CACNA1E: variants seen among roughly 807,000 people sequenced by gnomAD.
CACNA1E encodes the protein calcium voltage-gated channel subunit alpha1 E, also known as voltage-dependent R-type calcium channel subunit alpha-1E.
A neutral mutation model predicts 259.2 loss-of-function variants in CACNA1E; 40 were observed. That is an observed-to-expected ratio of 0.15 (90% CI 0.12 to 0.20). The LOEUF is 0.20. Among genes scored for constraint, CACNA1E ranks in the 10% least tolerant of loss-of-function variants. The pLI is 1.00. For missense variants in CACNA1E, 1,874 were observed against 3,040.1 expected (o/e 0.62, Z 9.02); for synonymous variants, 1,104 against 1,138.5 (o/e 0.97, Z 0.61).
chr1:181,478,789 A>G (rs1401252160), upstream of CACNA1E, among the ~76,000 whole-genome samples: 1 of 152,244 alleles, frequency 6.6e-6, no homozygotes, highest in Non-Finnish European at 1.5e-5. Flanking sequence ...CTTAAGAATG[A>G]GGGTAATAGG....
intron 6 of CACNA1E, among the ~76,000 whole-genome samples, chr1:181,637,890 A>C (rs1657385580): frequency 6.6e-6 from 1 of 152,212 alleles, no homozygotes; most frequent in South Asian, 2.1e-4. Flanking sequence ...AACATGAGCA[A>C]TAGTGTAGAC....
chr1:181,734,603 CCTGACCCCACACCCCATCCCTGCG>C (rs1572740623), intron 21 of CACNA1E, among the ~76,000 whole-genome samples: 2 of 143,718 alleles, frequency 1.4e-5, no homozygotes, highest in East Asian at 4.3e-4. Flanking sequence ...CTATCCTTGC[CCTGACCCCACACCCCATCCCTGCG>C]CTGACCCCAC....
Position 181,720,234 on chromosome 1 carries a change from G to T in CACNA1E, c.1780G>T (p.Val594Phe). ...KYWASLRNLV[V>F]SLMSSMKSII... is the part of the protein sequence containing the mutation. ...TTGGGCTTCCCTACGGAATTTGGTG[G>T]TCTCCTTGATGAGCTCAATGAAGTC... Residue 594 changes from valine to phenylalanine, a missense_variant, in exon 14 of 48, where the codon GTC becomes TTC. Physicochemically the swap from Val to Phe is conservative, Grantham distance 50 (BLOSUM62 -1). Transcript: ENST00000367573. The T allele has an allele frequency of 1.2e-6, 2 of 1,613,914 alleles. No homozygotes were observed. The highest frequency in any genetic ancestry group is 1.7e-6 in the Non-Finnish European group (2 of 1,179,868).
At chr1:181,534,116 TC>T (rs1667976713) in intron 3 of CACNA1E, among the ~76,000 whole-genome samples, 1 of 152,134 alleles carries the variant, frequency 6.6e-6, no homozygotes, top group South Asian at 2.1e-4. Context: ...TAGAAGGCTG[TC>T]TTATTTTGTT....
At chr1:181,476,944 G>A (rs10910940) in intron 2 of CACNA1E, among the ~76,000 whole-genome samples, 4 of 152,008 alleles carry the variant, frequency 2.6e-5, no homozygotes, top group South Asian at 2.1e-4. Context: ...GCTAAACTCC[G>A]AACCTCCAAA....
At chr1:181,789,256 A>G (rs1257398085) in intron 43 of CACNA1E, among the ~76,000 whole-genome samples, 1 of 152,248 alleles carries the variant, frequency 6.6e-6, no homozygotes, top group Non-Finnish European at 1.5e-5. Context: ...ACATTTAGGC[A>G]GGTCATTTAA....
intron 6 of CACNA1E, among the ~76,000 whole-genome samples, chr1:181,624,045 A>G (rs1572408324): frequency 6.6e-6 from 1 of 152,190 alleles, no homozygotes; most frequent in South Asian, 2.1e-4. Flanking sequence ...GCTCCCACTC[A>G]TGGTGGAAGG....
intron 2 of CACNA1E, among the ~76,000 whole-genome samples, chr1:181,450,971 G>A (rs1661120352): frequency 6.6e-6 from 1 of 152,162 alleles, no homozygotes; most frequent in Admixed American, 6.5e-5. Context: ...AGAGGAGGTG[G>A]CAATAAGAAT....
chr1:181,672,400 C>A (rs1648902772), intron 7 of CACNA1E, among the ~76,000 whole-genome samples: 1 of 152,200 alleles, frequency 6.6e-6, no homozygotes, highest in Admixed American at 6.5e-5. Context: ...AAAAGGATGT[C>A]TTTGCATTAA....
At chr1:181,604,110 A>G (rs1021110049) in intron 6 of CACNA1E, among the ~76,000 whole-genome samples, 3 of 152,044 alleles carry the variant, frequency 2.0e-5, no homozygotes, top group Non-Finnish European at 4.4e-5. Context: ...CTGACTTGGA[A>G]GGAAGGTCTT....
chr1:181,672,846 G>A (rs1022682455), intron 7 of CACNA1E, among the ~76,000 whole-genome samples: 7 of 152,214 alleles, frequency 4.6e-5, no homozygotes, highest in Non-Finnish European at 8.8e-5. Flanking sequence ...ATTTGTATTT[G>A]AGATCATGCA....
chr1:181,643,232 C>T (rs1206298479), intron 6 of CACNA1E, among the ~76,000 whole-genome samples: 1 of 152,130 alleles, frequency 6.6e-6, no homozygotes, highest in Non-Finnish European at 1.5e-5. Context: ...TACAAGAAGA[C>T]CTTAAAGTCT....
intron 1 of CACNA1E, among the ~76,000 whole-genome samples, chr1:181,371,054 G>T (rs917655326): frequency 6.6e-6 from 1 of 152,052 alleles, no homozygotes; most frequent in African/African-American, 2.4e-5. Flanking sequence ...TATGCTTGTT[G>T]GCTGCACGTA....
chr1:181,711,343 T>G (rs945098990), intron 8 of CACNA1E, among the ~76,000 whole-genome samples: 2 of 152,210 alleles, frequency 1.3e-5, no homozygotes, highest in Non-Finnish European at 2.9e-5. Flanking sequence ...GAGCTGAGAC[T>G]GGGCTGATGG....
At chr1:181,540,924 CTG>C (rs1175737670) in intron 3 of CACNA1E, among the ~76,000 whole-genome samples, 3 of 152,198 alleles carry the variant, frequency 2.0e-5, no homozygotes, top group Non-Finnish European at 4.4e-5. Context: ...GCTCCAAAAT[CTG>C]TAACTTCTTG....
chr1:181,318,373 G>A (rs1033254203), intron 1 of CACNA1E, among the ~76,000 whole-genome samples: 1 of 152,218 alleles, frequency 6.6e-6, no homozygotes, highest in Non-Finnish European at 1.5e-5. Context: ...GAATTGTCCT[G>A]GCGTGGGAAA....
At chr1:181,711,183 C>T (rs935043373) in intron 8 of CACNA1E, 114 bp downstream of exon 8, 2 of 716,046 alleles carry the variant, frequency 2.8e-6, no homozygotes, top group South Asian at 1.7e-5. Flanking sequence ...AAGAGAGACA[C>T]TCTGGATGCT....
intron 3 of CACNA1E, among the ~76,000 whole-genome samples, chr1:181,517,591 C>T (rs1406131933): frequency 6.6e-6 from 1 of 151,540 alleles, no homozygotes; most frequent in Admixed American, 6.6e-5. Context: ...GGAGAATGTG[C>T]AGAGCCAAGC....
chr1:181,449,394 C>T (rs147364947), intron 2 of CACNA1E, among the ~76,000 whole-genome samples: 5 of 152,306 alleles, frequency 3.3e-5, no homozygotes, highest in African/African-American at 1.2e-4. Context: ...TTATGTCCTG[C>T]TTCAGTATTC....
Sources: gnomAD v4.1 joint callset for allele counts (sites outside exome capture counted in the v4.1 genomes callset) on GRCh38, gnomAD v4.1.1 for gene constraint, MANE v1.5 for transcripts, NCBI Gene and HGNC (gene_info 2026-07-23, HGNC 2026-07-21) for gene names.